FKBP14: variants seen among roughly 807,000 people sequenced by gnomAD.
FKBP14 encodes the protein FKBP prolyl isomerase 14.
In FKBP14, 20 loss-of-function variants were observed where a neutral mutation model predicts 21.6. That is an observed-to-expected ratio of 0.92 (90% CI 0.65 to 1.34). The LOEUF (loss-of-function observed/expected upper bound fraction) is 1.34, where lower values mean the gene tolerates loss of function less well. FKBP14 is among the 40% of genes most tolerant of loss of function. The pLI, the probability that FKBP14 is intolerant of heterozygous loss-of-function variation, is 0.00. For synonymous variants in FKBP14, 79 were observed against 86.7 expected, an observed-to-expected ratio of 0.91 and a Z score of 0.49; for missense variants, 253 against 249.0, an observed-to-expected ratio of 1.02 and a Z score of -0.11.
rs1275351360 is a variant in FKBP14, at chr7:30,011,039, A to G, written c.*3696T>C. On this transcript the variant is annotated 3_prime_UTR_variant, in exon 4 of 4. Coordinates refer to ENST00000222803, the MANE Select transcript of FKBP14 (RefSeq NM_017946.4). The stretch of plus-strand genomic sequence containing the variant: ...GTTTTTTATTATTTCTATAAAAATT[A>G]TAGAATTTTTTTTTTTGAGACAGAG... 2 of 152,024 alleles carry G rather than the reference A, an allele frequency of 1.3e-5. No individual in the cohort carries two copies. Among genetic ancestry groups the G allele is most frequent in the African/African-American group, 2.4e-5 (1 of 41,420 alleles). The allele number at this position is 152,024 out of a possible 1,614,324, so 9.4% of individuals were successfully genotyped here. A position where few individuals can be genotyped will look rare whatever the true frequency, so the allele number is the denominator to read the frequency against.
At chr7:30,017,669 A>C (rs1019024290) in intron 3 of FKBP14, among the ~76,000 whole-genome samples, 1 of 152,144 alleles carries the variant, frequency 6.6e-6, no homozygotes, top group African/African-American at 2.4e-5. Flanking sequence ...TCAGCCTTCC[A>C]AAGTGGTAGG....
In FKBP14 at chr7:30,013,662, A is replaced by G. The variant is rs1167609631; in HGVS notation, c.*1073T>C. The G allele has an allele frequency of 1.3e-5, 2 of 152,248 alleles. No homozygotes were observed. Among genetic ancestry groups the G allele is most frequent in the African/African-American group, 4.8e-5 (2 of 41,474 alleles). 9.4% of individuals were successfully genotyped at this position (152,248 alleles called of 1,614,324 possible). A position where few individuals can be genotyped will look rare whatever the true frequency, so the allele number is the denominator to read the frequency against. On this transcript the variant is annotated 3_prime_UTR_variant, in exon 4 of 4. Transcript: ENST00000222803. Reference sequence around the variant, plus strand: ...ACTATAGACTACCCATTAAAGAACCAGGAAGGATATTCCGCTAGCCTTAAG... The same window carrying G: ...ACTATAGACTACCCATTAAAGAACCGGGAAGGATATTCCGCTAGCCTTAAG...
In FKBP14 at chr7:30,026,432, TC is replaced by T. The variant is rs1439664922; in HGVS notation, c.76del (p.Glu26LysfsTer2). 6.2e-7 allele frequency: 1 copy of T among 1,614,156 alleles called. No individual in the cohort carries two copies. Among genetic ancestry groups the T allele is most frequent in the African/African-American group, 1.3e-5 (1 of 75,042 alleles). The part of the protein sequence containing the change: ...SLIGALIPEP[E>X]VKIEVLQKPF... ...CTTCTGGAGAACTTCAATTTTCACT[TC>T]TGGTTCAGGGATCAAAGCCCCAATC... On this transcript the variant is annotated frameshift_variant, in exon 1 of 4. Coordinates refer to ENST00000222803, the MANE Select transcript of FKBP14 (RefSeq NM_017946.4). LOFTEE classifies it high-confidence loss of function.
At position 30,026,496 on chromosome 7, in the gene FKBP14, A is replaced by G. The variant is rs1395248668; in HGVS notation, c.13T>C (p.Leu5=). The G allele has an allele frequency of 1.2e-6, 2 of 1,611,298 alleles. No homozygotes were observed. Among genetic ancestry groups the G allele is most frequent in the Non-Finnish European group, 8.5e-7 (1 of 1,178,852 alleles). The change falls in exon 1 of 4, where the codon TTG becomes CTG. Residue 5 remains leucine (L), a synonymous_variant. Coordinates refer to ENST00000222803, the MANE Select transcript of FKBP14 (RefSeq NM_017946.4). ...AACAGAGTCAAGACCGCGTTCCACAAGAAAAGCCTCATGTTGCTGAAGCAA... is the reference window on the plus strand; with the variant it reads ...AACAGAGTCAAGACCGCGTTCCACAGGAAAAGCCTCATGTTGCTGAAGCAA... MRLF[L]WNAVLTLFVT...
chr7:30,013,330 A>C lies in FKBP14; in HGVS notation c.*1405T>G, dbSNP rs970249458. 2.6e-5 allele frequency: 4 copies of C among 151,736 alleles called. No homozygotes were observed. Among genetic ancestry groups the C allele is most frequent in the African/African-American group, 9.7e-5 (4 of 41,262 alleles). The allele number at this position is 151,736 out of a possible 1,614,324, so 9.4% of individuals were successfully genotyped here. On this transcript the variant is annotated 3_prime_UTR_variant, in exon 4 of 4. Transcript: ENST00000222803. Reference sequence around the variant, plus strand: ...AGTGGCACAATCTTGGCTCACTGCAACCTCCGCCTCCCGGGTTCAAGCAAA... The same window carrying C: ...AGTGGCACAATCTTGGCTCACTGCACCCTCCGCCTCCCGGGTTCAAGCAAA...
intron 2 of FKBP14, 144 bp downstream of exon 2, chr7:30,022,521 A>G (rs1790057609): frequency 1.4e-6 from 1 of 736,112 alleles, no homozygotes; most frequent in East Asian, 2.8e-5. Context: ...TTGATACTCA[A>G]GACATAATAC....
chr7:30,025,236 G>C (rs1264512473), intron 1 of FKBP14, among the ~76,000 whole-genome samples: 1 of 152,160 alleles, frequency 6.6e-6, no homozygotes, highest in Admixed American at 6.5e-5. Context: ...CATCTTCCAA[G>C]GTTCATTTCA....
At chr7:30,018,918 G>C in intron 3 of FKBP14, 78 bp downstream of exon 3, 4 of 1,469,018 alleles carry the variant, frequency 2.7e-6, no homozygotes, top group Non-Finnish European at 3.7e-6. Context: ...TAAAAAGTGA[G>C]TTACAAAAAC....
rs1789762221 is a variant in FKBP14 at position 30,012,347 on chromosome 7, ACT to A, written c.*2386_*2387del. Reference sequence around the variant, plus strand: ...TAAAAATGCTGCCTGAATAATCAAAACTCTTTTTACTTTTCTTGCCCTACTAT... The same window carrying A: ...TAAAAATGCTGCCTGAATAATCAAAACTTTTTACTTTTCTTGCCCTACTAT... On this transcript the variant is annotated 3_prime_UTR_variant, in exon 4 of 4. Coordinates refer to ENST00000222803, the MANE Select transcript of FKBP14 (RefSeq NM_017946.4). 1 of 152,166 alleles carries A rather than the reference ACT, an allele frequency of 6.6e-6. No individual in the cohort carries two copies. The highest frequency in any genetic ancestry group is 1.5e-5 in the Non-Finnish European group (1 of 68,018). The allele number at this position is 152,166 out of a possible 1,614,324, so 9.4% of individuals were successfully genotyped here. A position where few individuals can be genotyped will look rare whatever the true frequency, so the allele number is the denominator to read the frequency against.
At chr7:30,006,413 C>T (rs990926074), downstream of FKBP14, among the ~76,000 whole-genome samples, 26 of 152,076 alleles carry the variant, frequency 1.7e-4, no homozygotes, top group South Asian at 4.1e-4. Context: ...AGGCGTGAGC[C>T]ACCATGGCTG....
chr7:30,009,828 A>T (rs931188064), downstream of FKBP14, among the ~76,000 whole-genome samples: 1 of 127,866 alleles, frequency 7.8e-6, no homozygotes, highest in South Asian at 2.4e-4. Flanking sequence ...TGTCTCTACT[A>T]AAAAAAAAAA....
At position 30,012,898 on chromosome 7, in the gene FKBP14, A is replaced by G. The variant is rs1046484593; in HGVS notation, c.*1837T>C. 1 of 152,206 alleles carries G rather than the reference A, an allele frequency of 6.6e-6. No homozygotes were observed. Among genetic ancestry groups the G allele is most frequent in the Non-Finnish European group, 1.5e-5 (1 of 68,046 alleles). 9.4% of individuals were successfully genotyped at this position (152,206 alleles called of 1,614,324 possible). ...CCCAGGGAAATTTTCACTTTTCATT[A>G]GTAGAGGGCAGTAGAAGACACTGAA... On this transcript the variant is annotated 3_prime_UTR_variant, in exon 4 of 4. Coordinates refer to ENST00000222803, the MANE Select transcript of FKBP14 (RefSeq NM_017946.4).
chr7:30,021,286 C>CTA (rs1452434769), intron 2 of FKBP14, among the ~76,000 whole-genome samples: 1 of 152,024 alleles, frequency 6.6e-6, no homozygotes, highest in Admixed American at 6.6e-5. Flanking sequence ...ATCATATATA[C>CTA]TATAGGTTTA....
Position 30,014,668 on chromosome 7 carries a change from AAT to A in FKBP14, c.*65_*66del. 9.6e-7 allele frequency: 1 copy of A among 1,043,286 alleles called. No homozygotes were observed. Among genetic ancestry groups the A allele is most frequent in the African/African-American group, 1.6e-5 (1 of 60,976 alleles). The allele number at this position is 1,043,286 out of a possible 1,614,324, so 64.6% of individuals were successfully genotyped here. A position where few individuals can be genotyped will look rare whatever the true frequency, so the allele number is the denominator to read the frequency against. On this transcript the variant is annotated 3_prime_UTR_variant, in exon 4 of 4. Transcript: ENST00000222803. ...AAGAAAGAACATTGTATAAAAATAA[AAT>A]GTTCTTTAAAGATGACTGCCCTCTC...
At chr7:30,006,988 G>T (rs1472180420), downstream of FKBP14, among the ~76,000 whole-genome samples, 1 of 152,152 alleles carries the variant, frequency 6.6e-6, no homozygotes, top group African/African-American at 2.4e-5. Flanking sequence ...AGCCCCCTGG[G>T]GGTTGAGTCA....
chr7:30,025,849 T>C (rs942141542), intron 1 of FKBP14, among the ~76,000 whole-genome samples: 2 of 152,234 alleles, frequency 1.3e-5, no homozygotes, highest in African/African-American at 4.8e-5. Context: ...ACGGCATTAG[T>C]ATATCCTTCA....
downstream of FKBP14, among the ~76,000 whole-genome samples, chr7:30,007,944 G>C (rs137898484): frequency 7.1e-3 from 1,088 of 152,276 alleles, 17 homozygotes; most frequent in African/African-American, 0.025. Flanking sequence ...AGCTACTTGG[G>C]AGGCTGAGGC....
At chr7:30,018,937 AC>A (rs1789960389) in intron 3 of FKBP14, 58 bp downstream of exon 3, 2 of 1,574,148 alleles carry the variant, frequency 1.3e-6, no homozygotes, top group Non-Finnish European at 1.7e-6. Flanking sequence ...ACAAAACAAA[AC>A]AAAACCCCAA....
Position 30,014,064 on chromosome 7 carries a change from T to C in FKBP14, c.*671A>G, listed in dbSNP as rs1240758064. ...TTTTAGTAGAGATAGGGTTTCTCCG[T>C]GTTGGTCAGGCTGGTCTCGAACTCC... On this transcript the variant is annotated 3_prime_UTR_variant, in exon 4 of 4. Coordinates refer to ENST00000222803, the MANE Select transcript of FKBP14 (RefSeq NM_017946.4). 6.6e-6 allele frequency: 1 copy of C among 152,086 alleles called. No homozygotes were observed. The highest frequency in any genetic ancestry group is 2.4e-5 in the African/African-American group (1 of 41,386). The allele number at this position is 152,086 out of a possible 1,614,324, so 9.4% of individuals were successfully genotyped here. A position where few individuals can be genotyped will look rare whatever the true frequency, so the allele number is the denominator to read the frequency against.
Sources: allele counts gnomAD v4.1 joint callset (sites outside exome capture counted in the v4.1 genomes callset), GRCh38; gene constraint gnomAD v4.1.1; transcripts MANE v1.5; gene names NCBI Gene and HGNC (gene_info 2026-07-23, HGNC 2026-07-21).